The following CACNA1S variants were observed in gnomAD, a reference collection of about 807,000 sequenced individuals.
The protein encoded by CACNA1S is calcium voltage-gated channel subunit alpha1 S, also known as voltage-dependent L-type calcium channel subunit alpha-1S.
CACNA1S carries 126 observed loss-of-function variants against 207.4 expected under a neutral mutation model. The observed-to-expected ratio is 0.61, with a 90% CI of 0.53 to 0.70. CACNA1S has a LOEUF of 0.70. CACNA1S is among the 30% of genes least tolerant of loss of function. The probability of loss-of-function intolerance (pLI) is 0.00; values close to 1 mark genes in which losing one functional copy is unlikely to be tolerated. For missense variants in CACNA1S, 2,349 were observed against 2,422.8 expected, an observed-to-expected ratio of 0.97 and a Z score of 0.64; for synonymous variants, 960 against 932.7, an observed-to-expected ratio of 1.03 and a Z score of -0.53.
rs547193129 is a variant in CACNA1S at position 201,041,407 on chromosome 1, C to T, written c.5134+97G>A. 11 of 938,624 alleles carry T rather than the reference C, an allele frequency of 1.2e-5. No homozygotes were observed. In the African/African-American group the frequency reaches 1.6e-4, roughly 14 times the overall value. The allele number at this position is 938,624 out of a possible 1,614,324, so 58.1% of individuals were successfully genotyped here. Reference sequence around the variant, plus strand: ...ATTGTAACAGGCTCCCAAGCCAGCCCTCCCAGCCAAGTTCCCAGACTCTAA... The same window carrying T: ...ATTGTAACAGGCTCCCAAGCCAGCCTTCCCAGCCAAGTTCCCAGACTCTAA... On this transcript the variant is annotated intron_variant, in intron 41 of 43. Coordinates refer to ENST00000362061, the MANE Select transcript of CACNA1S (RefSeq NM_000069.3).
Position 201,091,805 on chromosome 1 carries a change from G to A in CACNA1S, c.542-13C>T, listed in dbSNP as rs199502458. ...ACCACCTGCAGGCCTGCAGAGGCAG[G>A]CAGGGAAGGGAAAAGAGGAGTCGCC... is the stretch of plus-strand genomic sequence containing the variant. On this transcript the variant is annotated splice_polypyrimidine_tract_variant and intron_variant, in intron 4 of 43. Transcript: ENST00000362061. 455 of 1,611,600 alleles carry A rather than the reference G, an allele frequency of 2.8e-4. No homozygotes were observed. The highest frequency in any genetic ancestry group is 2.4e-4 in the Non-Finnish European group (285 of 1,178,702).
chr1:201,047,326 G>A (rs1012505636), intron 37 of CACNA1S, 87 bp from the exon 38 acceptor site: 150 of 1,558,614 alleles, frequency 9.6e-5, no homozygotes, highest in Non-Finnish European at 1.2e-4. Context: ...AGCCAGGCCC[G>A]GGCATGCAAG....
chr1:201,045,437 A>G (rs1291980275), intron 38 of CACNA1S, among the ~76,000 whole-genome samples: 1 of 152,150 alleles, frequency 6.6e-6, no homozygotes, highest in Non-Finnish European at 1.5e-5. Context: ...TGAGGATTAG[A>G]ATGTAGTAAT....
Position 201,089,011 on chromosome 1 carries a change from C to T in CACNA1S, c.900+247G>A, listed in dbSNP as rs571262398. On this transcript the variant is annotated intron_variant, in intron 6 of 43. Coordinates refer to ENST00000362061, the MANE Select transcript of CACNA1S (RefSeq NM_000069.3). ...TTTTTCCTGGTTTCCATTCTTCACCCGCCCCTTGGATCCTGCACAGACATA... is the reference window on the plus strand; with the variant it reads ...TTTTTCCTGGTTTCCATTCTTCACCTGCCCCTTGGATCCTGCACAGACATA... 5.1e-4 allele frequency among the ~76,000 whole-genome samples: 78 copies of T among 152,364 alleles called. No individual in the cohort carries two copies. The South Asian group carries it at 7.5e-3, about 15-fold the overall frequency.
At chr1:201,082,325 C>A (rs1462660069) in intron 10 of CACNA1S, among the ~76,000 whole-genome samples, 1 of 138,554 alleles carries the variant, frequency 7.2e-6, no homozygotes, top group African/African-American at 2.5e-5. Flanking sequence ...CCGCGCCCGG[C>A]CTCAGGTATT....
chr1:201,075,449 A>AACCCTTTTTTTC, intron 13 of CACNA1S, 46 bp downstream of exon 13: 1 of 1,063,646 alleles, frequency 9.4e-7, no homozygotes, highest in Admixed American at 2.6e-5. Context: ...CCTTTCCCCC[A>AACCCTTTTTTTC]CCCCCTCCCT....
intron 24 of CACNA1S, 31 bp downstream of exon 24, chr1:201,061,913 A>G (rs1661063010): frequency 1.9e-6 from 3 of 1,613,654 alleles, no homozygotes; most frequent in Non-Finnish European, 2.5e-6. Flanking sequence ...GACCATGTCC[A>G]TGAGGGACCT....
intron 2 of CACNA1S, among the ~76,000 whole-genome samples, chr1:201,106,329 C>G (rs1205054272): frequency 1.3e-5 from 2 of 152,146 alleles, no homozygotes; most frequent in Non-Finnish European, 2.9e-5. Flanking sequence ...CCCATCTCAC[C>G]CCACGTCACC....
chr1:201,043,091 C>T, intron 40 of CACNA1S, 190 bp downstream of exon 40: 1 of 656,846 alleles, frequency 1.5e-6, no homozygotes, highest in Non-Finnish European at 2.7e-6. Context: ...TGAGGCTTCC[C>T]CCTGCTGGCC....
chr1:201,082,771 A>C (rs1429746703), intron 10 of CACNA1S, among the ~76,000 whole-genome samples: 1 of 152,160 alleles, frequency 6.6e-6, no homozygotes, highest in Non-Finnish European at 1.5e-5. Context: ...AGTTGGTGAA[A>C]GACTGTTGTT....
At position 201,092,242 on chromosome 1, in the gene CACNA1S, C is replaced by T. The variant is rs185605024; in HGVS notation, c.399-128G>A. 1.7e-4 allele frequency: 154 copies of T among 898,288 alleles called. No individual in the cohort carries two copies. In the African/African-American group the frequency reaches 2.0e-3, roughly 11 times the overall value. 55.6% of individuals were successfully genotyped at this position (898,288 alleles called of 1,614,324 possible). On this transcript the variant is annotated intron_variant, in intron 3 of 43. Coordinates refer to ENST00000362061, the MANE Select transcript of CACNA1S (RefSeq NM_000069.3). ...AGGCCTAGGGGAGAGACGGCAAATA[C>T]GGGTGCATCAACTAACAAATGATCT... is the stretch of plus-strand genomic sequence containing the variant.
intron 33 of CACNA1S, 135 bp from the exon 34 acceptor site, chr1:201,050,651 C>T: frequency 1.1e-6 from 1 of 904,210 alleles, no homozygotes; most frequent in South Asian, 1.4e-5. Flanking sequence ...TCTGAACCAC[C>T]CACATCACAC....
Position 201,047,607 on chromosome 1 carries a change from G to A in CACNA1S, c.4461C>T (p.Asn1487=), listed in dbSNP as rs149668892. 2.4e-5 allele frequency: 39 copies of A among 1,613,982 alleles called. No homozygotes were observed. In the East Asian group the frequency reaches 2.4e-4, roughly 10 times the overall value. Residue 1487 remains asparagine (N), a synonymous_variant, in exon 37 of 44, where the codon AAC becomes AAT. Transcript: ENST00000362061. The stretch of plus-strand genomic sequence containing the variant: ...TCTTGATGATGGCCCTCAGCTCCTC[G>A]TTGGCCTGCTCAAAGTTACCTGGAG... ...IKTEGNFEQA[N]EELRAIIKKI...
chr1:201,041,567 G>A lies in CACNA1S; in HGVS notation c.5071C>T (p.Pro1691Ser), dbSNP rs1218151403. The A allele has an allele frequency of 6.2e-7, 1 of 1,614,070 alleles. No individual in the cohort carries two copies. The highest frequency in any genetic ancestry group is 1.1e-5 in the South Asian group (1 of 91,080). The change falls in exon 41 of 44, where the codon CCA (proline) becomes TCA (serine). Residue 1691 changes from proline to serine, a missense_variant. Coordinates refer to ENST00000362061, the MANE Select transcript of CACNA1S (RefSeq NM_000069.3). ...GTAGCAGGCGTCTCTGTCTCTTCTGGGAACTCCCTTTCATAGTGGACACTG... is the reference window on the plus strand; with the variant it reads ...GTAGCAGGCGTCTCTGTCTCTTCTGAGAACTCCCTTTCATAGTGGACACTG... ...FSSVHYEREFPEETETPATRG... is the reference protein window; with the variant it reads ...FSSVHYEREFSEETETPATRG...
At chr1:201,108,674 A>C (rs990034674) in intron 2 of CACNA1S, among the ~76,000 whole-genome samples, 1 of 152,152 alleles carries the variant, frequency 6.6e-6, no homozygotes, top group Non-Finnish European at 1.5e-5. Flanking sequence ...TTTTCCCCTC[A>C]TAGCAAGCAC....
intron 13 of CACNA1S, 62 bp from the exon 14 acceptor site, chr1:201,074,682 T>A: frequency 9.4e-7 from 1 of 1,068,566 alleles, no homozygotes; most frequent in East Asian, 2.5e-5. Flanking sequence ...AGGGCAGGAG[T>A]TCTGTCTGCC....
chr1:201,074,148 C>T (rs187182104), intron 14 of CACNA1S, among the ~76,000 whole-genome samples: 9 of 149,830 alleles, frequency 6.0e-5, no homozygotes, highest in African/African-American at 2.2e-4. Context: ...CACCGGGGAG[C>T]CTGTTCGATG....
chr1:201,090,515 G>A (rs1400725504), intron 5 of CACNA1S, among the ~76,000 whole-genome samples: 1 of 152,176 alleles, frequency 6.6e-6, no homozygotes, highest in Non-Finnish European at 1.5e-5. Flanking sequence ...ATGAGGAGGT[G>A]AGTAGAGTCT....
intron 23 of CACNA1S, 71 bp downstream of exon 23, chr1:201,062,391 C>T (rs1042376433): frequency 1.4e-5 from 20 of 1,463,786 alleles, no homozygotes; most frequent in Middle Eastern, 1.9e-4. Context: ...CCACAGTGCT[C>T]CCTGCCCCGT....
Sources: gnomAD v4.1 joint callset for allele counts (sites outside exome capture counted in the v4.1 genomes callset) on GRCh38, gnomAD v4.1.1 for gene constraint, MANE v1.5 for transcripts, NCBI Gene and HGNC (gene_info 2026-07-23, HGNC 2026-07-21) for gene names.